SCFD2: variants seen among roughly 807,000 people sequenced by gnomAD.
SCFD2 encodes sec1 family domain containing 2, also known as sec1 family domain-containing protein 2.
Under a neutral mutation model 58.9 loss-of-function variants are expected in SCFD2, and 54 were observed. The observed-to-expected ratio is 0.92, with a 90% CI of 0.74 to 1.15. SCFD2 has a LOEUF of 1.15. Among genes scored for constraint, SCFD2 ranks in the 50% most tolerant of loss-of-function variants. The probability of loss-of-function intolerance (pLI) is 0.00; values close to 1 mark genes in which losing one functional copy is unlikely to be tolerated. For missense variants in SCFD2, 805 were observed against 836.6 expected (o/e 0.96, Z 0.47); for synonymous variants, 321 against 335.9 (o/e 0.96, Z 0.49).
rs577035949 is a variant in SCFD2 at position 53,307,496 on chromosome 4, A to G, written c.1135+6140T>C. On this transcript the variant is annotated intron_variant, in intron 3 of 8. Coordinates refer to ENST00000401642, the MANE Select transcript of SCFD2 (RefSeq NM_152540.4). ...AGCTTTGTATCCTTGCTTACTTGCT[A>G]TGTAACCCATCAGTGAGGACCCAGT... is the stretch of plus-strand genomic sequence containing the variant. Among the ~76,000 whole-genome samples the G allele has an allele frequency of 3.9e-5, 6 of 152,290 alleles. No individual in the cohort carries two copies. In the East Asian group the frequency reaches 1.2e-3, roughly 29 times the overall value.
intron 3 of SCFD2, among the ~76,000 whole-genome samples, chr4:53,301,763 G>A (rs1732309453): frequency 6.6e-6 from 1 of 152,150 alleles, no homozygotes; most frequent in Non-Finnish European, 1.5e-5. Flanking sequence ...ATGATCAAGT[G>A]GGCTTCATCC....
chr4:53,088,968 T>A (rs1424501182), intron 5 of SCFD2, among the ~76,000 whole-genome samples: 1 of 152,154 alleles, frequency 6.6e-6, no homozygotes, highest in Non-Finnish European at 1.5e-5. Flanking sequence ...ATGAATGGAA[T>A]TAGTGCTGTT....
At chr4:53,235,352 G>T (rs1344653859) in intron 4 of SCFD2, among the ~76,000 whole-genome samples, 1 of 152,176 alleles carries the variant, frequency 6.6e-6, no homozygotes, top group South Asian at 2.1e-4. Context: ...TCAATTTATG[G>T]CAGGTACCAA....
At chr4:52,885,708 ACT>A in intron 8 of SCFD2, 37 bp downstream of exon 8, 1 of 1,611,062 alleles carries the variant, frequency 6.2e-7, no homozygotes, top group East Asian at 2.2e-5. Context: ...TCACACCCCT[ACT>A]TCTGAGCTCT....
chr4:53,052,381 A>G lies in SCFD2; in HGVS notation c.1561+92952T>C, dbSNP rs567145414. Among the ~76,000 whole-genome samples, 8 of 152,332 alleles carry G rather than the reference A, an allele frequency of 5.3e-5. No homozygotes were observed. The South Asian group carries it at 1.7e-3, about 32-fold the overall frequency. On this transcript the variant is annotated intron_variant, in intron 5 of 8. Transcript: ENST00000401642. The stretch of plus-strand genomic sequence containing the variant: ...TTCCCAGTCCTCTAAATTAGCGCAG[A>G]ATCTTGATTGCTCGTTACGAACTTC...
intron 3 of SCFD2, among the ~76,000 whole-genome samples, chr4:53,304,177 GGATACTGCCAAGA>G (rs1732437286): frequency 6.6e-6 from 1 of 151,880 alleles, no homozygotes; most frequent in Non-Finnish European, 1.5e-5. Flanking sequence ...TGGCTTGTAG[GGATACTGCCAAGA>G]GATCCACTGT....
chr4:53,069,882 C>T (rs1285177788), intron 5 of SCFD2, among the ~76,000 whole-genome samples: 1 of 151,990 alleles, frequency 6.6e-6, no homozygotes, highest in Non-Finnish European at 1.5e-5. Flanking sequence ...ACCTTCCTTC[C>T]ACTTTAATAA....
At chr4:52,955,068 C>T (rs924708709) in intron 5 of SCFD2, among the ~76,000 whole-genome samples, 7 of 152,156 alleles carry the variant, frequency 4.6e-5, no homozygotes, top group Admixed American at 1.3e-4. Flanking sequence ...CTCCCACCTT[C>T]GAGCTTCACC....
At chr4:53,291,505 C>T (rs1731838455) in intron 3 of SCFD2, among the ~76,000 whole-genome samples, 1 of 152,064 alleles carries the variant, frequency 6.6e-6, no homozygotes, top group African/African-American at 2.4e-5. Flanking sequence ...ACATTCCATG[C>T]TCATGGAGAG....
intron 5 of SCFD2, among the ~76,000 whole-genome samples, chr4:53,127,309 C>T (rs1219793986): frequency 5.9e-5 from 9 of 152,168 alleles, no homozygotes. Flanking sequence ...AACATATTTG[C>T]CCTGTTGCAC....
At chr4:53,265,289 G>GT (rs746468109) in intron 4 of SCFD2, among the ~76,000 whole-genome samples, 3 of 151,858 alleles carry the variant, frequency 2.0e-5, no homozygotes, top group Non-Finnish European at 4.4e-5. Flanking sequence ...CTTTTCTGGG[G>GT]TTTCAAAGTT....
intron 5 of SCFD2, among the ~76,000 whole-genome samples, chr4:53,102,833 C>G (rs183480150): frequency 3.3e-5 from 5 of 151,750 alleles, no homozygotes; most frequent in African/African-American, 9.6e-5. Context: ...TAGGAACCAG[C>G]TTGCAGGAGC....
chr4:53,297,486 G>GTTTA (rs1732083082), intron 3 of SCFD2, among the ~76,000 whole-genome samples: 1 of 146,998 alleles, frequency 6.8e-6, no homozygotes, highest in Non-Finnish European at 1.5e-5. Flanking sequence ...TTGTTTGTTT[G>GTTTA]TTTTGCTTTC....
At chr4:52,880,444 C>T (rs1168210619) in intron 8 of SCFD2, among the ~76,000 whole-genome samples, 3 of 151,332 alleles carry the variant, frequency 2.0e-5, no homozygotes, top group Non-Finnish European at 4.4e-5. Flanking sequence ...TGTAAAACCC[C>T]GTCTCTACTA....
intron 3 of SCFD2, among the ~76,000 whole-genome samples, chr4:53,285,111 G>C (rs1209346940): frequency 6.6e-6 from 1 of 152,168 alleles, no homozygotes; most frequent in Non-Finnish European, 1.5e-5. Context: ...ACTGCTGCAG[G>C]ATCCGGAGTC....
chr4:53,019,007 G>A (rs893109359), intron 5 of SCFD2, among the ~76,000 whole-genome samples: 10 of 152,194 alleles, frequency 6.6e-5, no homozygotes, highest in Non-Finnish European at 4.4e-5. Context: ...ATTTTGGTCA[G>A]ATGGGTCCTC....
intron 5 of SCFD2, among the ~76,000 whole-genome samples, chr4:53,033,841 A>G (rs1001853056): frequency 3.3e-5 from 5 of 152,206 alleles, no homozygotes; most frequent in Non-Finnish European, 7.3e-5. Flanking sequence ...AACCAAAAAA[A>G]GTCCAGGACC....
chr4:53,015,735 G>C (rs1403636347), intron 5 of SCFD2, among the ~76,000 whole-genome samples: 3 of 152,082 alleles, frequency 2.0e-5, no homozygotes, highest in African/African-American at 7.2e-5. Context: ...CTTTAAAACT[G>C]ATTAAGTTTG....
chr4:53,201,913 T>C (rs1317443591), intron 4 of SCFD2, among the ~76,000 whole-genome samples: 1 of 152,212 alleles, frequency 6.6e-6, no homozygotes, highest in Non-Finnish European at 1.5e-5. Flanking sequence ...TCATTGTAGA[T>C]TCTGGATATT....
Sources: allele counts gnomAD v4.1 joint callset (sites outside exome capture counted in the v4.1 genomes callset), GRCh38; gene constraint gnomAD v4.1.1; transcripts MANE v1.5; gene names NCBI Gene and HGNC (gene_info 2026-07-23, HGNC 2026-07-21).